The following TMEM74 variants were observed in gnomAD, a reference collection of about 807,000 sequenced individuals.
TMEM74 encodes the protein transmembrane protein 74.
A neutral mutation model predicts 18.1 loss-of-function variants in TMEM74; 13 were observed. That is an observed-to-expected ratio of 0.72 (90% CI 0.47 to 1.14). The LOEUF is 1.14. Among genes scored for constraint, TMEM74 ranks in the 50% most tolerant of loss-of-function variants. The pLI is 0.00. For missense variants in TMEM74, 372 were observed against 375.9 expected, an observed-to-expected ratio of 0.99 and a Z score of 0.09; for synonymous variants, 159 against 146.6, an observed-to-expected ratio of 1.08 and a Z score of -0.61.
intron 1 of TMEM74, among the ~76,000 whole-genome samples, chr8:108,734,443 C>T (rs569601964): frequency 1.3e-5 from 2 of 152,128 alleles, no homozygotes; most frequent in Non-Finnish European, 2.9e-5. Flanking sequence ...CCTATTTAGC[C>T]TATTGGTTCT....
At chr8:108,651,555 A>T (rs923522279) in intron 2 of TMEM74, among the ~76,000 whole-genome samples, 1 of 152,136 alleles carries the variant, frequency 6.6e-6, no homozygotes, top group Non-Finnish European at 1.5e-5. Flanking sequence ...ATGAGATTTT[A>T]AAAAATATCT....
intron 1 of TMEM74, among the ~76,000 whole-genome samples, chr8:108,684,171 A>G (rs1033630191): frequency 6.6e-6 from 1 of 152,046 alleles, no homozygotes; most frequent in Non-Finnish European, 1.5e-5. Flanking sequence ...TTCTTGAGGA[A>G]CCTTCATACT....
intron 1 of TMEM74, among the ~76,000 whole-genome samples, chr8:108,720,644 C>T (rs1283825613): frequency 1.3e-5 from 2 of 152,016 alleles, no homozygotes; most frequent in Admixed American, 6.6e-5. Flanking sequence ...GTGCTCAGCT[C>T]GGTATTCTAC....
At chr8:108,775,377 T>C (rs753272897), downstream of TMEM74, among the ~76,000 whole-genome samples, 4 of 152,222 alleles carry the variant, frequency 2.6e-5, no homozygotes, top group Non-Finnish European at 5.9e-5. Flanking sequence ...TTTTCTAGCC[T>C]GTTTCCTACT....
chr8:108,760,385 G>C (rs59276363), intron 1 of TMEM74, among the ~76,000 whole-genome samples: 2 of 152,026 alleles, frequency 1.3e-5, no homozygotes, highest in Non-Finnish European at 2.9e-5. Context: ...AGCAATGCGC[G>C]GTCACAGAGG....
At chr8:108,666,868 C>G (rs1326040143) in intron 1 of TMEM74, among the ~76,000 whole-genome samples, 3 of 152,140 alleles carry the variant, frequency 2.0e-5, no homozygotes, top group African/African-American at 7.2e-5. Flanking sequence ...GCCCAAGTGG[C>G]ACTTCTCAGT....
chr8:108,724,038 G>T (rs967615777), intron 1 of TMEM74, among the ~76,000 whole-genome samples: 1 of 152,090 alleles, frequency 6.6e-6, no homozygotes, highest in African/African-American at 2.4e-5. Flanking sequence ...GTCCAACTTT[G>T]CTGTTTCCTT....
intron 2 of TMEM74, among the ~76,000 whole-genome samples, chr8:108,625,709 A>C (rs994949257): frequency 2.0e-5 from 3 of 151,988 alleles, no homozygotes; most frequent in Non-Finnish European, 2.9e-5. Context: ...ATGCAAAATA[A>C]TTCTTGTTGT....
downstream of TMEM74, among the ~76,000 whole-genome samples, chr8:108,777,966 T>A (rs971138517): frequency 6.6e-6 from 1 of 152,182 alleles, no homozygotes; most frequent in Non-Finnish European, 1.5e-5. Context: ...AGGTAATATA[T>A]TAAAGTATAA....
At chr8:108,685,173 G>C (rs1245119733) in intron 1 of TMEM74, among the ~76,000 whole-genome samples, 1 of 151,830 alleles carries the variant, frequency 6.6e-6, no homozygotes, top group African/African-American at 2.4e-5. Flanking sequence ...TTATTCCCAG[G>C]TATTTTGTTT....
chr8:108,677,966 A>G (rs1813070820), intron 1 of TMEM74, among the ~76,000 whole-genome samples: 1 of 152,106 alleles, frequency 6.6e-6, no homozygotes, highest in Admixed American at 6.6e-5. Flanking sequence ...GTGACATCCC[A>G]ATTTACCATA....
At position 108,657,855 on chromosome 8, in the gene TMEM74, AAAAAATATATATATATATATATATAT is replaced by A. The variant is rs1438294395; in HGVS notation, n.120-2444_120-2419del. Reference sequence around the variant, plus strand: ...GAGACACCGTCTCAAAAAAAAAAAAAAAAAATATATATATATATATATATATATATATATATATATATATATATTAA... The same window carrying A: ...GAGACACCGTCTCAAAAAAAAAAAAAATATATATATATATATATATATTAA... On this transcript the variant is annotated intron_variant and non_coding_transcript_variant, in intron 1 of 3. Transcript: ENST00000518838. Among the ~76,000 whole-genome samples the A allele has an allele frequency of 3.7e-4, 22 of 60,134 alleles. 2 individuals carry two copies. The highest frequency in any genetic ancestry group is 6.4e-4 in the African/African-American group (8 of 12,544). 39.5% of individuals were successfully genotyped at this position (60,134 alleles called of 152,430 possible).
chr8:108,775,975 T>C (rs1367657275), downstream of TMEM74, among the ~76,000 whole-genome samples: 2 of 152,216 alleles, frequency 1.3e-5, no homozygotes, highest in Non-Finnish European at 2.9e-5. Flanking sequence ...TCCAGAACAG[T>C]TACTTTTGCT....
intron 2 of TMEM74, among the ~76,000 whole-genome samples, chr8:108,649,520 C>T (rs1812752090): frequency 6.6e-6 from 1 of 152,118 alleles, no homozygotes; most frequent in African/African-American, 2.4e-5. Flanking sequence ...GTTATTTTTA[C>T]TTTACAAATG....
chr8:108,678,966 C>T (rs1586257825), intron 1 of TMEM74, among the ~76,000 whole-genome samples: 1 of 143,254 alleles, frequency 7.0e-6, no homozygotes, highest in East Asian at 2.2e-4. Flanking sequence ...TCTCATTGTT[C>T]AATTCCCACC....
At chr8:108,652,912 TG>T (rs2130572973) in intron 2 of TMEM74, 1 of 407,070 alleles carries the variant, frequency 2.5e-6, no homozygotes, top group East Asian at 6.7e-5. Context: ...CAGTGCCCTG[TG>T]TGAAGAGCGA....
chr8:108,770,556 A>G (rs1348160401), intron 1 of TMEM74, among the ~76,000 whole-genome samples: 1 of 152,158 alleles, frequency 6.6e-6, no homozygotes, highest in Admixed American at 6.5e-5. Flanking sequence ...CATGGTAGCT[A>G]TTTATGTGGT....
rs1416488294 is a variant in TMEM74, at chr8:108,784,716, G to A, written c.383C>T (p.Pro128Leu). ...AGGGTGATTATGCCCTTTTGCTGATGGCGAGCTCCGGTTCCGCTGCTCCAA... is the reference window on the plus strand; with the variant it reads ...AGGGTGATTATGCCCTTTTGCTGATAGCGAGCTCCGGTTCCGCTGCTCCAA... ...INLEQRNRSS[P>L]SAKGHNHPGE... Residue 128 changes from proline to leucine, a missense_variant, in exon 2 of 2, where the codon CCA becomes CTA. Transcript: ENST00000297459. 1 of 1,613,998 alleles carries A rather than the reference G, an allele frequency of 6.2e-7. No homozygotes were observed. The highest frequency in any genetic ancestry group is 2.2e-5 in the East Asian group (1 of 44,894).
chr8:108,699,145 T>TTCCTTCCTTCCTTCC (rs1813309831), intron 1 of TMEM74, among the ~76,000 whole-genome samples: 1 of 68,712 alleles, frequency 1.5e-5, no homozygotes, highest in Non-Finnish European at 2.7e-5. Context: ...CCCTCCCTCT[T>TTCCTTCCTTCCTTCC]TTCCTTCCTT....
Sources: allele counts gnomAD v4.1 joint callset (sites outside exome capture counted in the v4.1 genomes callset), GRCh38; gene constraint gnomAD v4.1.1; transcripts MANE v1.5; gene names NCBI Gene and HGNC (gene_info 2026-07-23, HGNC 2026-07-21).